Variants in KDELR2 observed in about 807,000 individuals in gnomAD.
The protein encoded by KDELR2 is KDEL endoplasmic reticulum protein retention receptor 2.
KDELR2 carries 15 observed loss-of-function variants against 23.9 expected under a neutral mutation model. The observed-to-expected ratio is 0.63, with a 90% confidence interval of 0.42 to 0.97. KDELR2 has a LOEUF of 0.97. Among genes scored for constraint, KDELR2 ranks in the 50% least tolerant of loss-of-function variants. The probability of loss-of-function intolerance (pLI) is 0.00; values close to 1 mark genes in which losing one functional copy is unlikely to be tolerated. For missense variants in KDELR2, 272 were observed against 254.6 expected, an observed-to-expected ratio of 1.07 and a Z score of -0.46; for synonymous variants, 119 against 106.2, an observed-to-expected ratio of 1.12 and a Z score of -0.74.
At position 6,484,102 on chromosome 7, in the gene KDELR2, G is replaced by A. The variant is rs554235003; in HGVS notation, c.-45C>T. 3.0e-6 allele frequency: 4 copies of A among 1,334,076 alleles called. No homozygotes were observed. The highest frequency in any genetic ancestry group is 1.8e-5 in the South Asian group (1 of 54,434). The allele number at this position is 1,334,076 out of a possible 1,614,324, so 82.6% of individuals were successfully genotyped here. A position where few individuals can be genotyped will look rare whatever the true frequency, so the allele number is the denominator to read the frequency against. Reference sequence around the variant, plus strand: ...GTCGGCGCAGCGCGGCGGCCCCGGGGCTGGGCGGCTCAGGAGGCGGCGGCC... The same window carrying A: ...GTCGGCGCAGCGCGGCGGCCCCGGGACTGGGCGGCTCAGGAGGCGGCGGCC... On this transcript the variant is annotated 5_prime_UTR_variant, in exon 1 of 5. Transcript: ENST00000258739.
intron 1 of KDELR2, among the ~76,000 whole-genome samples, chr7:6,481,432 C>G (rs1162417410): frequency 6.6e-6 from 1 of 150,998 alleles, no homozygotes; most frequent in East Asian, 1.9e-4. Flanking sequence ...TCCCAAATAT[C>G]TTAGTTTGGA....
At chr7:6,474,558 T>C (rs535495411) in intron 1 of KDELR2, among the ~76,000 whole-genome samples, 17 of 152,340 alleles carry the variant, frequency 1.1e-4, no homozygotes, top group African/African-American at 4.1e-4. Context: ...TGTGTATCAT[T>C]CAAACGAACC....
chr7:6,480,057 G>C (rs1785855762), intron 1 of KDELR2, among the ~76,000 whole-genome samples: 1 of 152,190 alleles, frequency 6.6e-6, no homozygotes, highest in Non-Finnish European at 1.5e-5. Context: ...AGGATGAAAA[G>C]TTTACAACCT....
rs1161325162 is a variant in KDELR2 at position 6,471,176 on chromosome 7, G to GTTT, written c.193-1425_193-1423dup. On this transcript the variant is annotated intron_variant, in intron 2 of 4. Transcript: ENST00000258739. The stretch of plus-strand genomic sequence containing the variant: ...AAATGTATAGCTCACATTTGTTTCG[G>GTTT]TTTTTTTTTTTTTTTTTTTTTTTGA... Among the ~76,000 whole-genome samples the GTTT allele has an allele frequency of 7.1e-3, 518 of 72,628 alleles. 7 individuals are homozygous for GTTT. Among genetic ancestry groups the GTTT allele is most frequent in the Non-Finnish European group, 8.4e-3 (338 of 40,374 alleles). 47.6% of individuals were successfully genotyped at this position (72,628 alleles called of 152,430 possible).
intron 1 of KDELR2, among the ~76,000 whole-genome samples, chr7:6,480,132 A>G (rs1160787859): frequency 6.6e-6 from 1 of 152,202 alleles, no homozygotes; most frequent in African/African-American, 2.4e-5. Flanking sequence ...TAGAGGGGGA[A>G]GGCCCGGGGT....
At chr7:6,471,176 G>GTTTTTTT (rs1161325162) in intron 2 of KDELR2, among the ~76,000 whole-genome samples, 24 of 72,616 alleles carry the variant, frequency 3.3e-4, no homozygotes, top group Admixed American at 7.5e-4. Context: ...ATTTGTTTCG[G>GTTTTTTT]TTTTTTTTTT....
intron 3 of KDELR2, 29 bp downstream of exon 3, chr7:6,469,567 C>T (rs759566230): frequency 1.9e-6 from 3 of 1,605,912 alleles, no homozygotes; most frequent in African/African-American, 1.3e-5. Flanking sequence ...AGCCACCATG[C>T]CTGGCCCTAA....
intron 1 of KDELR2, among the ~76,000 whole-genome samples, chr7:6,483,320 C>T (rs1030333520): frequency 1.3e-4 from 19 of 151,940 alleles, no homozygotes; most frequent in Admixed American, 1.1e-3. Context: ...TCACTGACGA[C>T]CTCTCGGCAA....
rs1169057708 is a variant in KDELR2, at chr7:6,461,177, A to G, written c.*1964T>C. On this transcript the variant is annotated 3_prime_UTR_variant, in exon 5 of 5. Coordinates refer to ENST00000258739, the MANE Select transcript of KDELR2 (RefSeq NM_006854.4). ...GTGGCATACAAGGCCTTGGTTTCCA[A>G]CGCCGGCGAGGATGAGGCCCAGTCC... 6.6e-6 allele frequency: 1 copy of G among 152,192 alleles called. No homozygotes were observed. The highest frequency in any genetic ancestry group is 2.4e-5 in the African/African-American group (1 of 41,430). 9.4% of individuals were successfully genotyped at this position (152,192 alleles called of 1,614,324 possible).
At chr7:6,473,877 C>T (rs1317258109) in intron 2 of KDELR2, among the ~76,000 whole-genome samples, 2 of 152,112 alleles carry the variant, frequency 1.3e-5, no homozygotes, top group Non-Finnish European at 2.9e-5. Flanking sequence ...TAATAGTTAC[C>T]GCTCTTACTT....
intron 1 of KDELR2, among the ~76,000 whole-genome samples, chr7:6,481,601 A>C (rs563875441): frequency 6.6e-6 from 1 of 151,868 alleles, no homozygotes; most frequent in East Asian, 2.0e-4. Flanking sequence ...TCACACCTGT[A>C]CCCAGCAACT....
intron 1 of KDELR2, among the ~76,000 whole-genome samples, chr7:6,474,639 T>C (rs1236576192): frequency 6.6e-6 from 1 of 152,240 alleles, no homozygotes; most frequent in Non-Finnish European, 1.5e-5. Flanking sequence ...TTTAGTGTTA[T>C]AACTTGTCTC....
At chr7:6,468,022 G>A (rs952470218) in intron 3 of KDELR2, among the ~76,000 whole-genome samples, 1 of 152,224 alleles carries the variant, frequency 6.6e-6, no homozygotes, top group African/African-American at 2.4e-5. Context: ...CAAACAAAAT[G>A]TGGGCTACAG....
chr7:6,484,011 A>G lies in KDELR2; in HGVS notation c.47T>C (p.Ile16Thr). 1 of 1,529,590 alleles carries G rather than the reference A, an allele frequency of 6.5e-7. No individual in the cohort carries two copies. The highest frequency in any genetic ancestry group is 8.8e-7 in the Non-Finnish European group (1 of 1,135,972). The allele number at this position is 1,529,590 out of a possible 1,614,324, so 94.8% of individuals were successfully genotyped here. ...CCAGATCTTCAGCAGCAGGATGACGATGGCCGCCAGGTGGGACAGGTCCCC... is the reference window on the plus strand; with the variant it reads ...CCAGATCTTCAGCAGCAGGATGACGGTGGCCGCCAGGTGGGACAGGTCCCC... ...LTGDLSHLAAIVILLLKIWKT... is the reference protein window; with the variant it reads ...LTGDLSHLAATVILLLKIWKT... The change falls in exon 1 of 5, where the codon ATC becomes ACC. Residue 16 changes from isoleucine to threonine, a missense_variant. By Grantham distance (89) the Ile-to-Thr change is moderately conservative. Transcript: ENST00000258739.
chr7:6,468,280 A>G (rs1412886525), intron 3 of KDELR2, among the ~76,000 whole-genome samples: 1 of 152,194 alleles, frequency 6.6e-6, no homozygotes, highest in Non-Finnish European at 1.5e-5. Flanking sequence ...AACCTACACG[A>G]TCTGCAAACA....
rs1785401969 is a variant in KDELR2, at chr7:6,462,143, C to T, written c.*998G>A. ...CGGGTTAAATAAAAAGAAAACCACACATACAAAAAAGAATGTAAGGAATGG... is the reference window on the plus strand; with the variant it reads ...CGGGTTAAATAAAAAGAAAACCACATATACAAAAAAGAATGTAAGGAATGG... On this transcript the variant is annotated 3_prime_UTR_variant, in exon 5 of 5. Transcript: ENST00000258739. The T allele has an allele frequency of 6.6e-6, 1 of 151,592 alleles. No individual in the cohort carries two copies. The highest frequency in any genetic ancestry group is 2.4e-5 in the African/African-American group (1 of 41,204). The allele number at this position is 151,592 out of a possible 1,614,324, so 9.4% of individuals were successfully genotyped here.
At position 6,462,538 on chromosome 7, in the gene KDELR2, A is replaced by G. The variant is rs576678091; in HGVS notation, c.*603T>C. The G allele has an allele frequency of 6.3e-6, 1 of 159,618 alleles. No individual in the cohort carries two copies. The highest frequency in any genetic ancestry group is 2.4e-5 in the African/African-American group (1 of 41,612). 9.9% of individuals were successfully genotyped at this position (159,618 alleles called of 1,614,324 possible). ...GAATCTTAAAATGTTGGTAATGAAA[A>G]CCATGGACCTCCAAGTCATCCTTAC... is the stretch of plus-strand genomic sequence containing the variant. On this transcript the variant is annotated 3_prime_UTR_variant, in exon 5 of 5. Coordinates refer to ENST00000258739, the MANE Select transcript of KDELR2 (RefSeq NM_006854.4).
chr7:6,483,983 C>G lies in KDELR2; in HGVS notation c.75G>C (p.Lys25Asn). 6.5e-7 allele frequency: 1 copy of G among 1,530,638 alleles called. No individual in the cohort carries two copies. Among genetic ancestry groups the G allele is most frequent in the East Asian group, 2.8e-5 (1 of 35,838 alleles). The allele number at this position is 1,530,638 out of a possible 1,614,324, so 94.8% of individuals were successfully genotyped here. A position where few individuals can be genotyped will look rare whatever the true frequency, so the allele number is the denominator to read the frequency against. The change falls in exon 1 of 5, where the codon AAG (lysine) becomes AAC (asparagine). Residue 25 changes from lysine (K) to asparagine (N), a missense_variant. Transcript: ENST00000258739. Reference sequence around the variant, plus strand: ...GCCGCTCACCGGCGCAGGAGCGCGTCTTCCAGATCTTCAGCAGCAGGATGA... The same window carrying G: ...GCCGCTCACCGGCGCAGGAGCGCGTGTTCCAGATCTTCAGCAGCAGGATGA... ...AIVILLLKIW[K>N]TRSCAGISGK...
chr7:6,472,872 A>G (rs892946945), intron 2 of KDELR2, among the ~76,000 whole-genome samples: 10 of 148,186 alleles, frequency 6.7e-5, no homozygotes, highest in African/African-American at 2.5e-4. Context: ...TCAGACTCCT[A>G]TTACATATCC....
Sources: allele counts gnomAD v4.1 joint callset (sites outside exome capture counted in the v4.1 genomes callset), GRCh38; gene constraint gnomAD v4.1.1; transcripts MANE v1.5; gene names NCBI Gene and HGNC (gene_info 2026-07-23, HGNC 2026-07-21).